CSPG4: variants seen among roughly 807,000 people sequenced by gnomAD.
CSPG4 encodes chondroitin sulfate proteoglycan 4.
In CSPG4, 74 loss-of-function variants were observed where a neutral mutation model predicts 139.3. That is an observed-to-expected ratio of 0.53 (90% CI 0.44 to 0.64). The LOEUF is 0.64. CSPG4 is among the 30% of genes least tolerant of loss of function. The pLI, the probability that CSPG4 is intolerant of heterozygous loss-of-function variation, is 0.00. For missense variants in CSPG4, 2,565 were observed against 3,148.3 expected (o/e 0.81, Z 4.43); for synonymous variants, 1,234 against 1,394.2 (o/e 0.89, Z 2.56).
chr15:75,709,378 AGAGGGACCAGG>A (rs1471323953), intron 1 of CSPG4, among the ~76,000 whole-genome samples: 1 of 152,126 alleles, frequency 6.6e-6, no homozygotes, highest in East Asian at 1.9e-4. Context: ...GTGAAGGAGC[AGAGGGACCAGG>A]GAGGGACCAG....
intron 1 of CSPG4, 54 bp from the exon 2 acceptor site, chr15:75,693,287 G>A (rs1894189153): frequency 3.6e-6 from 5 of 1,387,154 alleles, no homozygotes; most frequent in Non-Finnish European, 3.9e-6. Context: ...TGGAGGAGGC[G>A]AGGTGCCGCA....
chr15:75,712,843 G>A lies in CSPG4; in HGVS notation c.-88C>T. On this transcript the variant is annotated 5_prime_UTR_variant, in exon 1 of 10. Coordinates refer to ENST00000308508, the MANE Select transcript of CSPG4 (RefSeq NM_001897.5). ...GTGGAGCGAGCGCGGCTCTGCTCCT[G>A]GGCGCGGGCCGGCTCCGGGTGTCCG... The A allele has an allele frequency of 1.7e-6, 2 of 1,197,926 alleles. No homozygotes were observed. The highest frequency in any genetic ancestry group is 1.6e-5 in the African/African-American group (1 of 62,016). 74.2% of individuals were successfully genotyped at this position (1,197,926 alleles called of 1,614,324 possible). A position where few individuals can be genotyped will look rare whatever the true frequency, so the allele number is the denominator to read the frequency against.
rs756362478 is a variant in CSPG4, at chr15:75,682,316, G to C, written c.4927C>G (p.Leu1643Val). Reference sequence around the variant, plus strand: ...ACCTCTGCCTGAGTGAAGTTCACCAGGGCCTCCCCTGTGCTGTCCTGCTGG... The same window carrying C: ...ACCTCTGCCTGAGTGAAGTTCACCACGGCCTCCCCTGTGCTGTCCTGCTGG... ...HAQQDSTGEALVNFTQAEVYA... is the reference protein window; with the variant it reads ...HAQQDSTGEAVVNFTQAEVYA... Residue 1643 changes from leucine to valine, a missense_variant, in exon 8 of 10, where the codon CTG (leucine) becomes GTG (valine). Leu to Val is a conservative substitution (Grantham distance 32). Transcript: ENST00000308508. The C allele has an allele frequency of 6.3e-7, 1 of 1,596,688 alleles. No individual in the cohort carries two copies. The highest frequency in any genetic ancestry group is 8.5e-7 in the Non-Finnish European group (1 of 1,179,932).
intron 1 of CSPG4, among the ~76,000 whole-genome samples, chr15:75,694,112 C>G (rs184201357): frequency 6.6e-6 from 1 of 152,350 alleles, no homozygotes; most frequent in African/African-American, 2.4e-5. Context: ...CCCAGGCCAC[C>G]ACGCAGGCTG....
intron 2 of CSPG4, among the ~76,000 whole-genome samples, chr15:75,691,223 C>T (rs1365744719): frequency 6.6e-6 from 1 of 152,102 alleles, no homozygotes; most frequent in Non-Finnish European, 1.5e-5. Flanking sequence ...ACTTGGGGCC[C>T]CAGAGTGGAA....
chr15:75,689,607 C>G lies in CSPG4; in HGVS notation c.1458G>C (p.Pro486=), dbSNP rs542755731. 1.2e-6 allele frequency: 2 copies of G among 1,612,712 alleles called. No individual in the cohort carries two copies. The highest frequency in any genetic ancestry group is 8.5e-7 in the Non-Finnish European group (1 of 1,179,858). ...ARHGELELDI[P]GAQARKMFTL... ...TGAACATTTTTCGTGCCTGGGCTCCCGGGATGTCCAGCTCGAGCTCGCCAT... is the reference window on the plus strand; with the variant it reads ...TGAACATTTTTCGTGCCTGGGCTCCGGGGATGTCCAGCTCGAGCTCGCCAT... The change falls in exon 3 of 10, where the codon CCG becomes CCC. Residue 486 remains proline (P), a synonymous_variant. Coordinates refer to ENST00000308508, the MANE Select transcript of CSPG4 (RefSeq NM_001897.5).
Position 75,677,778 on chromosome 15 carries a change from C to T in CSPG4, c.5059G>A (p.Ala1687Thr). The T allele has an allele frequency of 6.2e-7, 1 of 1,611,216 alleles. No homozygotes were observed. The highest frequency in any genetic ancestry group is 8.5e-7 in the Non-Finnish European group (1 of 1,178,874). Residue 1687 changes from alanine (A) to threonine (T), a missense_variant, in exon 9 of 10, where the codon GCC becomes ACC. Ala to Thr is a moderately conservative substitution (Grantham distance 58). Coordinates refer to ENST00000308508, the MANE Select transcript of CSPG4 (RefSeq NM_001897.5). ...GACACAGCCACAGCAAGGGTGGCGG[C>T]CACGTCCCGGGCAGGCGGCGAGGAC... ...QLSSPPARDV[A>T]ATLAVAVSFE...
In CSPG4 at chr15:75,682,868, G is replaced by T. The variant is rs769641390; in HGVS notation, c.4623C>A (p.Gly1541=). The part of the protein sequence containing the change: ...VRSFTQAQLD[G]GLVLFSHRGT... ...CTCTGTGTGAGAACAGCACGAGCCC[G>T]CCGTCCAGCTGGGCCTGCGTGAAGC... Residue 1541 remains glycine, a synonymous_variant, in exon 6 of 10, where the codon GGC becomes GGA. Coordinates refer to ENST00000308508, the MANE Select transcript of CSPG4 (RefSeq NM_001897.5). 1 of 1,609,852 alleles carries T rather than the reference G, an allele frequency of 6.2e-7. No individual in the cohort carries two copies. Among genetic ancestry groups the T allele is most frequent in the Non-Finnish European group, 8.5e-7 (1 of 1,179,278 alleles).
In CSPG4 at chr15:75,687,838, C is replaced by T. The variant is rs369452963; in HGVS notation, c.3227G>A (p.Arg1076Gln). The change falls in exon 3 of 10, where the codon CGG (arginine) becomes CAG (glutamine). Residue 1076 changes from arginine (R) to glutamine (Q), a missense_variant. Physicochemically the swap from Arg to Gln is conservative, Grantham distance 43. Around this residue, in one of 5 missense-constraint regions of CSPG4, gnomAD observed 2,316 missense variants for 2,818.2 expected, o/e 0.82. Coordinates refer to ENST00000308508, the MANE Select transcript of CSPG4 (RefSeq NM_001897.5). The surrounding 1 kb of genome is among the most constrained non-coding windows in gnomAD (Gnocchi z 5.4). ...GSIVAVDEPTRPIYRFTQEDL... is the reference protein window; with the variant it reads ...GSIVAVDEPTQPIYRFTQEDL... Reference sequence around the variant, plus strand: ...CTCCTGGGTGAAGCGGTAGATGGGCCGCGTGGGCTCATCTACGGCCACGAT... The same window carrying T: ...CTCCTGGGTGAAGCGGTAGATGGGCTGCGTGGGCTCATCTACGGCCACGAT... 9.2e-5 allele frequency: 149 copies of T among 1,612,758 alleles called. No individual in the cohort carries two copies. In the East Asian group the frequency reaches 1.0e-3, roughly 11 times the overall value.
rs778659779 is a variant in CSPG4, at chr15:75,676,274, C to T, written c.6245G>A (p.Arg2082His). ...CCGGGGTCCCTCCAGGAGGCGGAAG[C>T]GCGGCACACTGCCTGTGCGGTTGGC... ...ELANRTGSVP[R>H]FRLLEGPRHG... Residue 2082 changes from arginine (R) to histidine (H), a missense_variant, in exon 10 of 10, where the codon CGC becomes CAC. Coordinates refer to ENST00000308508, the MANE Select transcript of CSPG4 (RefSeq NM_001897.5). The T allele has an allele frequency of 1.1e-4, 174 of 1,581,934 alleles. No homozygotes were observed. The highest frequency in any genetic ancestry group is 1.7e-4 in the Middle Eastern group (1 of 6,060).
Position 75,676,269 on chromosome 15 carries a change from G to C in CSPG4, c.6250C>G (p.Arg2084Gly), listed in dbSNP as rs768101533. ...ANRTGSVPRF[R>G]LLEGPRHGRV... ...CCATGCCGGGGTCCCTCCAGGAGGC[G>C]GAAGCGCGGCACACTGCCTGTGCGG... is the stretch of plus-strand genomic sequence containing the variant. Residue 2084 changes from arginine (R) to glycine (G), a missense_variant, in exon 10 of 10, where the codon CGC becomes GGC. This residue lies in a region of CSPG4 where 2,316 missense variants were observed against 2,818.2 expected (regional missense o/e 0.82). Coordinates refer to ENST00000308508, the MANE Select transcript of CSPG4 (RefSeq NM_001897.5). The C allele has an allele frequency of 1.3e-6, 2 of 1,577,610 alleles. No homozygotes were observed. Among genetic ancestry groups the C allele is most frequent in the Admixed American group, 1.8e-5 (1 of 54,518 alleles).
intron 1 of CSPG4, among the ~76,000 whole-genome samples, chr15:75,701,792 G>A (rs1355071527): frequency 1.3e-5 from 2 of 152,130 alleles, no homozygotes; most frequent in Non-Finnish European, 2.9e-5. Flanking sequence ...CCCAAAGCAA[G>A]GAGGACTCAG....
At chr15:75,703,437 G>A (rs1894330046) in intron 1 of CSPG4, among the ~76,000 whole-genome samples, 1 of 151,720 alleles carries the variant, frequency 6.6e-6, no homozygotes, top group African/African-American at 2.4e-5. Flanking sequence ...CGTGGTCAGA[G>A]TCCGGGTGGA....
Position 75,698,002 on chromosome 15 carries a change from G to A in CSPG4, c.89-4769C>T, listed in dbSNP as rs1485658150. 6.6e-6 allele frequency among the ~76,000 whole-genome samples: 1 copy of A among 152,214 alleles called. No homozygotes were observed. ...AAGACTGGATTCACATACAGACCAA[G>A]GCCTGAGGAAGGAGACGGAGGAGGA... On this transcript the variant is annotated intron_variant, in intron 1 of 9. Transcript: ENST00000308508. The surrounding 1 kb of genome is among the most constrained non-coding windows in gnomAD (Gnocchi z 4.3).
intron 5 of CSPG4, 55 bp from the exon 6 acceptor site, chr15:75,683,096 T>A: frequency 6.5e-7 from 1 of 1,539,848 alleles, no homozygotes; most frequent in Non-Finnish European, 8.8e-7. Context: ...CACCCCTTCC[T>A]CCCCGGCCCT....
Position 75,682,386 on chromosome 15 carries a change from G to A in CSPG4, c.4857C>T (p.Leu1619=). The A allele has an allele frequency of 6.3e-7, 1 of 1,596,740 alleles. No individual in the cohort carries two copies. The highest frequency in any genetic ancestry group is 8.5e-7 in the Non-Finnish European group (1 of 1,179,692). The change falls in exon 8 of 10, where the codon CTC becomes CTT. Residue 1619 remains leucine, a synonymous_variant. Transcript: ENST00000308508. ...GCTGGGGGCCCCGCACCACACGGTA[G>A]AGCAGGAGCTGGGGGTCAGTGCCTG... is the stretch of plus-strand genomic sequence containing the variant. ...SSAGTDPQLL[L]YRVVRGPQLG...
In CSPG4 at chr15:75,685,639, G is replaced by A. The variant is rs565031252; in HGVS notation, c.3852C>T (p.Ala1284=). ...IVFSVKSPPS[A]GYLVMVSRGA... ...CACGCGACACCATCACCAGGTAGCC[G>A]GCACTCGGTGGGCTCTTCACTGAGA... The change falls in exon 4 of 10, where the codon GCC becomes GCT. Residue 1284 remains alanine, a synonymous_variant. Transcript: ENST00000308508. The A allele has an allele frequency of 1.3e-4, 207 of 1,608,824 alleles. 1 individual carries two copies. In the South Asian group the frequency reaches 2.0e-3, roughly 15 times the overall value.
At chr15:75,686,413 C>T (rs1351955319) in intron 3 of CSPG4, among the ~76,000 whole-genome samples, 3 of 152,216 alleles carry the variant, frequency 2.0e-5, no homozygotes, top group Non-Finnish European at 2.9e-5. Flanking sequence ...GGAGGCACAG[C>T]CGCCTTCAGC....
intron 1 of CSPG4, among the ~76,000 whole-genome samples, chr15:75,695,314 C>T (rs1894211521): frequency 6.6e-6 from 1 of 152,236 alleles, no homozygotes; most frequent in Non-Finnish European, 1.5e-5. Flanking sequence ...CTGCCTGCAG[C>T]CCCCTCCCAG....
Sources: allele counts gnomAD v4.1 joint callset (sites outside exome capture counted in the v4.1 genomes callset), GRCh38; gene constraint gnomAD v4.1.1; regional missense constraint gnomAD v4.1.1; non-coding constraint Gnocchi (gnomAD v3.1); transcripts MANE v1.5; gene names NCBI Gene and HGNC (gene_info 2026-07-23, HGNC 2026-07-21).